The following DNAH17 variants were observed in gnomAD, a reference collection of about 807,000 sequenced individuals.
The protein encoded by DNAH17 is axonemal beta dynein heavy chain 17.
A neutral mutation model predicts 485.6 loss-of-function variants in DNAH17; 376 were observed. The observed-to-expected ratio is 0.77, with a 90% CI of 0.71 to 0.84. The LOEUF is 0.84. Among genes scored for constraint, DNAH17 ranks in the 40% least tolerant of loss-of-function variants. The probability of loss-of-function intolerance (pLI) is 0.00; values close to 1 mark genes in which losing one functional copy is unlikely to be tolerated. For synonymous variants in DNAH17, 3,031 were observed against 2,405.9 expected (o/e 1.26, Z -7.60); for missense variants, 6,370 against 5,839.3 (o/e 1.09, Z -2.96).
chr17:78,492,220 A>T (rs112604723), intron 42 of DNAH17, among the ~76,000 whole-genome samples: 1 of 152,076 alleles, frequency 6.6e-6, no homozygotes, highest in Non-Finnish European at 1.5e-5. Context: ...TTCCTTTCAT[A>T]AAGTGCAAAC....
chr17:78,557,999 G>A, intron 14 of DNAH17, 109 bp downstream of exon 14: 11 of 1,308,664 alleles, frequency 8.4e-6, no homozygotes, highest in Non-Finnish European at 1.0e-5. Flanking sequence ...TTGAGTGAAT[G>A]GGAAGATTTC....
At position 78,426,210 on chromosome 17, in the gene DNAH17, G is replaced by A. The variant is rs377275657; in HGVS notation, c.12915+247C>T. 9.9e-5 allele frequency among the ~76,000 whole-genome samples: 15 copies of A among 152,062 alleles called. 1 individual carries two copies. The highest frequency in any genetic ancestry group is 7.7e-4 in the East Asian group (4 of 5,174). ...GAGGACGGCTTACCCTTTGAGGGTC[G>A]CTTGAGGAGGAGCTGATGGAAGCTG... On this transcript the variant is annotated intron_variant, in intron 79 of 80. Coordinates refer to ENST00000389840, the MANE Select transcript of DNAH17 (RefSeq NM_173628.4).
At chr17:78,540,114 C>T (rs1458190189) in intron 17 of DNAH17, among the ~76,000 whole-genome samples, 1 of 152,114 alleles carries the variant, frequency 6.6e-6, no homozygotes, top group Non-Finnish European at 1.5e-5. Context: ...TCAAATGTCC[C>T]TTCCTCCCAA....
intron 68 of DNAH17, chr17:78,449,840 A>ATTT: frequency 2.2e-6 from 1 of 450,904 alleles, no homozygotes; most frequent in African/African-American, 2.0e-5. Flanking sequence ...CACCTGGCTA[A>ATTT]TTTTTTTTTA....
At chr17:78,542,144 C>T (rs1475333535) in intron 17 of DNAH17, among the ~76,000 whole-genome samples, 1 of 130,970 alleles carries the variant, frequency 7.6e-6, no homozygotes, top group Non-Finnish European at 1.6e-5. Context: ...CCCTAAAATA[C>T]TTTTTTTTTT....
At position 78,480,013 on chromosome 17, in the gene DNAH17, C is replaced by CTTTTTTTTT. The variant is rs370344478; in HGVS notation, c.7753-390_7753-382dup. 1.1e-4 allele frequency among the ~76,000 whole-genome samples: 8 copies of CTTTTTTTTT among 70,540 alleles called. 2 individuals are homozygous for CTTTTTTTTT. The highest frequency in any genetic ancestry group is 3.7e-4 in the Admixed American group (2 of 5,334). The allele number at this position is 70,540 out of a possible 152,430, so 46.3% of individuals were successfully genotyped here. A position where few individuals can be genotyped will look rare whatever the true frequency, so the allele number is the denominator to read the frequency against. On this transcript the variant is annotated intron_variant, in intron 49 of 80. Transcript: ENST00000389840. ...CTGAATTTCAGATAAACAACAAGTA[C>CTTTTTTTTT]TTTTTTTTTTTTTTTTTTTTTTTTT...
rs1281196229 is a variant in DNAH17, at chr17:78,490,801, A to T, written c.6716T>A (p.Met2239Lys). 1 of 1,604,676 alleles carries T rather than the reference A, an allele frequency of 6.2e-7. No individual in the cohort carries two copies. Among genetic ancestry groups the T allele is most frequent in the African/African-American group, 1.3e-5 (1 of 74,738 alleles). Reference protein sequence around the residue: ...SNERIPLNRTMRLVFEISHLR... With the variant: ...SNERIPLNRTKRLVFEISHLR... ...GTGGCTGATTTCGAACACCAGCCTC[A>T]TGGTGCGGTTCAGGGGGATCCGCTC... Residue 2239 changes from methionine (M) to lysine (K), a missense_variant, in exon 44 of 81, where the codon ATG (methionine) becomes AAG (lysine). Coordinates refer to ENST00000389840, the MANE Select transcript of DNAH17 (RefSeq NM_173628.4).
rs1598690593 is a variant in DNAH17 at position 78,543,686 on chromosome 17, G to A, written c.2532+171C>T. 4.1e-6 allele frequency: 4 copies of A among 970,234 alleles called. No homozygotes were observed. The East Asian group carries it at 7.3e-5, about 18-fold the overall frequency. The allele number at this position is 970,234 out of a possible 1,614,324, so 60.1% of individuals were successfully genotyped here. A position where few individuals can be genotyped will look rare whatever the true frequency, so the allele number is the denominator to read the frequency against. On this transcript the variant is annotated intron_variant, in intron 17 of 80. Transcript: ENST00000389840. ...GTGATCCGCCCGACTCAGCCTCCCA[G>A]AGTGCTGGGATTACAGGTGAGAGCC...
In DNAH17 at chr17:78,525,009, CACA is replaced by C. The variant is rs764367672; in HGVS notation, c.3861_3863del (p.Val1289del). On this transcript the variant is annotated inframe_deletion and splice_region_variant, in exon 25 of 81. Coordinates refer to ENST00000389840, the MANE Select transcript of DNAH17 (RefSeq NM_173628.4). ...CCCACGCGGCGTGCCCTGCACTCAC[CACA>C]ACAACCATGTCCCAGAGCTCCTTCA... is the stretch of plus-strand genomic sequence containing the variant. 6.2e-7 allele frequency: 1 copy of C among 1,612,060 alleles called. No homozygotes were observed. The highest frequency in any genetic ancestry group is 8.5e-7 in the Non-Finnish European group (1 of 1,178,596).
intron 7 of DNAH17, 85 bp downstream of exon 7, chr17:78,570,162 A>C: frequency 1.4e-6 from 2 of 1,410,440 alleles, no homozygotes; most frequent in East Asian, 2.6e-5. Flanking sequence ...CTGCTGGGGA[A>C]CATGGGCAGC....
Position 78,486,136 on chromosome 17 carries a change from G to GT in DNAH17, c.7102-4dup, listed in dbSNP as rs780595998. On this transcript the variant is annotated splice_region_variant and splice_polypyrimidine_tract_variant and intron_variant, in intron 45 of 80. Transcript: ENST00000389840. ...AACTCCACTCGATAATCCACAAGCT[G>GT]TTGAGACACAGAAGTAAAAATCAGG... 6.2e-7 allele frequency: 1 copy of GT among 1,612,228 alleles called. No individual in the cohort carries two copies. The highest frequency in any genetic ancestry group is 8.5e-7 in the Non-Finnish European group (1 of 1,178,784).
chr17:78,428,860 CT>C (rs1598434533), intron 76 of DNAH17, among the ~76,000 whole-genome samples, 153 bp from the exon 77 acceptor site: 1 of 149,838 alleles, frequency 6.7e-6, no homozygotes, highest in East Asian at 2.0e-4. Context: ...GGGCTGCCCC[CT>C]GTGCTCCCAG....
chr17:78,515,834 T>C (rs1568184662), intron 25 of DNAH17, among the ~76,000 whole-genome samples: 2 of 152,232 alleles, frequency 1.3e-5, no homozygotes, highest in African/African-American at 4.8e-5. Context: ...TTTTGTTCAG[T>C]ACACAGAGAT....
At chr17:78,507,850 C>T in intron 27 of DNAH17, 45 bp from the exon 28 acceptor site, 3 of 1,468,972 alleles carry the variant, frequency 2.0e-6, no homozygotes, top group Non-Finnish European at 2.7e-6. Flanking sequence ...ATTTGGCATG[C>T]AAAGCTCAGG....
Position 78,571,355 on chromosome 17 carries a change from C to G in DNAH17, c.756G>C (p.Lys252Asn). ...HEQLNRPKVN[K>N]IVEILEKAKS... ...TGGCTTTCTCTAGGATCTCAACAAT[C>G]TTGTTCACTTTGGGTCTGTTTAGCT... Residue 252 changes from lysine to asparagine, a missense_variant, in exon 5 of 81, where the codon AAG becomes AAC. Transcript: ENST00000389840. The G allele has an allele frequency of 6.2e-7, 1 of 1,613,880 alleles. No individual in the cohort carries two copies. Among genetic ancestry groups the G allele is most frequent in the Non-Finnish European group, 8.5e-7 (1 of 1,179,820 alleles).
chr17:78,568,963 G>T (rs2092310742), intron 9 of DNAH17, among the ~76,000 whole-genome samples: 1 of 152,164 alleles, frequency 6.6e-6, no homozygotes, highest in Non-Finnish European at 1.5e-5. Flanking sequence ...CCCGAAGTGG[G>T]TCATTTTTAT....
intron 64 of DNAH17, among the ~76,000 whole-genome samples, chr17:78,454,241 G>A (rs561800795): frequency 2.6e-5 from 4 of 152,278 alleles, no homozygotes; most frequent in Admixed American, 6.5e-5. Context: ...CTGAGCCTCC[G>A]TCTCACTCTC....
At chr17:78,434,330 G>A (rs1291687045) in intron 74 of DNAH17, 110 bp from the exon 75 acceptor site, 21 of 1,012,656 alleles carry the variant, frequency 2.1e-5, no homozygotes, top group Non-Finnish European at 2.8e-5. Flanking sequence ...GCTAGGGTGG[G>A]GGCGGTGGGG....
chr17:78,517,061 C>T (rs2090806467), intron 25 of DNAH17, among the ~76,000 whole-genome samples: 1 of 152,152 alleles, frequency 6.6e-6, no homozygotes, highest in Non-Finnish European at 1.5e-5. Flanking sequence ...GTTTTTGAGA[C>T]AGAGTCTCAC....
Sources: gnomAD v4.1 joint callset for allele counts (sites outside exome capture counted in the v4.1 genomes callset) on GRCh38, gnomAD v4.1.1 for gene constraint, MANE v1.5 for transcripts, NCBI Gene and HGNC (gene_info 2026-07-23, HGNC 2026-07-21) for gene names.